Variants in CD38 observed in about 807,000 individuals in gnomAD.
The protein encoded by CD38 is ADP-ribosyl cyclase/cyclic ADP-ribose hydrolase 1.
A neutral mutation model predicts 36.3 loss-of-function variants in CD38; 31 were observed. The observed-to-expected ratio is 0.85, with a 90% CI of 0.64 to 1.15. The LOEUF (loss-of-function observed/expected upper bound fraction) is 1.15, where lower values mean the gene tolerates loss of function less well. Among genes scored for constraint, CD38 ranks in the 50% most tolerant of loss-of-function variants. The pLI, the probability that CD38 is intolerant of heterozygous loss-of-function variation, is 0.00. For missense variants in CD38, 380 were observed against 371.9 expected (o/e 1.02, Z -0.18); for synonymous variants, 131 against 135.2 (o/e 0.97, Z 0.22).
chr4:15,781,682 TA>T (rs1305525743), intron 1 of CD38, among the ~76,000 whole-genome samples: 1 of 152,182 alleles, frequency 6.6e-6, no homozygotes, highest in South Asian at 2.1e-4. Context: ...TCTCCTGACT[TA>T]AAATCTAAAA....
At position 15,839,493 on chromosome 4, in the gene CD38, C is replaced by T. The variant is rs997968320; in HGVS notation, c.660-533C>T. 3.5e-4 allele frequency among the ~76,000 whole-genome samples: 51 copies of T among 146,686 alleles called. 1 individual carries two copies. Among genetic ancestry groups the T allele is most frequent in the African/African-American group, 8.9e-4 (35 of 39,224 alleles). On this transcript the variant is annotated intron_variant, in intron 5 of 7. Coordinates refer to ENST00000226279, the MANE Select transcript of CD38 (RefSeq NM_001775.4). ...GGCTGGAGTGCAGTGACACGGTCTC[C>T]GCTCACTGCAAGCTCAGCCTCCCAG...
At chr4:15,819,013 G>C (rs1244076547) in intron 2 of CD38, among the ~76,000 whole-genome samples, 2 of 151,548 alleles carry the variant, frequency 1.3e-5, no homozygotes, top group Non-Finnish European at 2.9e-5. Context: ...CCCCTAAAAA[G>C]AGATGAGTTC....
At chr4:15,803,855 C>T (rs1028829773) in intron 1 of CD38, among the ~76,000 whole-genome samples, 4 of 152,262 alleles carry the variant, frequency 2.6e-5, no homozygotes, top group South Asian at 2.1e-4. Context: ...TTTTTATGTC[C>T]ATGCGTACCC....
intron 1 of CD38, among the ~76,000 whole-genome samples, chr4:15,781,128 A>T (rs1475336021): frequency 6.6e-6 from 1 of 152,234 alleles, no homozygotes; most frequent in East Asian, 1.9e-4. Flanking sequence ...AAAAGAAGTG[A>T]GTTGGCACTT....
At chr4:15,785,879 T>A (rs1023474672) in intron 1 of CD38, among the ~76,000 whole-genome samples, 1 of 152,160 alleles carries the variant, frequency 6.6e-6, no homozygotes, top group Non-Finnish European at 1.5e-5. Context: ...GTTTGTTCCT[T>A]CTGGTGTTGG....
chr4:15,837,093 C>G (rs1176816210), intron 4 of CD38, among the ~76,000 whole-genome samples: 2 of 152,182 alleles, frequency 1.3e-5, no homozygotes, highest in Non-Finnish European at 2.9e-5. Context: ...TTTCACTACT[C>G]TATGGTATGT....
chr4:15,811,998 G>A (rs1333277858), intron 1 of CD38, among the ~76,000 whole-genome samples: 2 of 152,182 alleles, frequency 1.3e-5, no homozygotes, highest in East Asian at 3.9e-4. Flanking sequence ...CTGTGGTGGG[G>A]CAGGAGAGGA....
In CD38 at chr4:15,796,945, A is replaced by G. The variant is rs186606683; in HGVS notation, c.233+18298A>G. 3.3e-5 allele frequency among the ~76,000 whole-genome samples: 5 copies of G among 152,326 alleles called. No individual in the cohort carries two copies. In the East Asian group the frequency reaches 9.6e-4, roughly 29 times the overall value. On this transcript the variant is annotated intron_variant, in intron 1 of 7. Transcript: ENST00000226279. ...CAATGCTGCAATGAAATCCTTCTGT[A>G]TGTATACATACGTGGATGTGTGTAT...
intron 2 of CD38, among the ~76,000 whole-genome samples, chr4:15,821,439 C>T (rs187965953): frequency 7.0e-4 from 106 of 151,654 alleles, no homozygotes; most frequent in Admixed American, 7.9e-4. Context: ...ATAGATGGAT[C>T]GCTAGCTAGA....
At chr4:15,847,595 CAAAAAAAAAAAAAAAAAAA>C (rs71179666) in intron 7 of CD38, among the ~76,000 whole-genome samples, 1 of 38,146 alleles carries the variant, frequency 2.6e-5, no homozygotes. Flanking sequence ...CTCTCAGAAG[CAAAAAAAAAAAAAAAAAAA>C]AAAAAAAAAG....
chr4:15,822,383 G>GA (rs1316878911), intron 2 of CD38, among the ~76,000 whole-genome samples: 2 of 152,014 alleles, frequency 1.3e-5, no homozygotes, highest in South Asian at 4.2e-4. Flanking sequence ...TTTTCAAATG[G>GA]AAAAAAGGAA....
intron 3 of CD38, among the ~76,000 whole-genome samples, chr4:15,828,592 G>A (rs2148925569): frequency 6.6e-6 from 1 of 152,182 alleles, no homozygotes; most frequent in African/African-American, 2.4e-5. Flanking sequence ...TTCTGTGGGT[G>A]GCTTATTTTA....
intron 3 of CD38, among the ~76,000 whole-genome samples, chr4:15,827,989 A>G (rs9291638): frequency 0.73 from 110,482 of 152,124 alleles, 41,574 homozygotes; most frequent in African/African-American, 0.92. Flanking sequence ...ATTAAATCAA[A>G]CTAATTAACA....
chr4:15,791,600 C>T (rs1722992678), intron 1 of CD38, among the ~76,000 whole-genome samples: 10 of 98,710 alleles, frequency 1.0e-4, no homozygotes, highest in African/African-American at 5.7e-4. Flanking sequence ...CCCCGCCCGG[C>T]CAGCCGCCCC....
chr4:15,780,288 C>T (rs766026453), intron 1 of CD38, among the ~76,000 whole-genome samples: 1 of 152,178 alleles, frequency 6.6e-6, no homozygotes, highest in African/African-American at 2.4e-5. Flanking sequence ...AGAGGGGATG[C>T]TTTCCCACAA....
At chr4:15,812,397 TAAC>T (rs1298749610) in intron 1 of CD38, among the ~76,000 whole-genome samples, 3 of 152,198 alleles carry the variant, frequency 2.0e-5, no homozygotes, top group African/African-American at 7.2e-5. Flanking sequence ...ACTGTCATCT[TAAC>T]AATATTAAGT....
At chr4:15,833,727 G>A (rs1330481546) in intron 3 of CD38, among the ~76,000 whole-genome samples, 1 of 152,212 alleles carries the variant, frequency 6.6e-6, no homozygotes, top group Non-Finnish European at 1.5e-5. Context: ...TGTGTCCATT[G>A]TACTTCACTC....
intron 1 of CD38, among the ~76,000 whole-genome samples, chr4:15,791,685 G>GC (rs1164772230): frequency 1.1e-5 from 1 of 89,278 alleles, no homozygotes; most frequent in Non-Finnish European, 2.1e-5. Flanking sequence ...GGGGGGATCA[G>GC]CCCCCCGCCT....
At chr4:15,779,075 C>A (rs751382847) in intron 1 of CD38, among the ~76,000 whole-genome samples, 7 of 152,154 alleles carry the variant, frequency 4.6e-5, no homozygotes, top group Non-Finnish European at 8.8e-5. Context: ...GGTTTCCGCC[C>A]GCTGTCTCTG....
Sources: gnomAD v4.1 joint callset for allele counts (sites outside exome capture counted in the v4.1 genomes callset) on GRCh38, gnomAD v4.1.1 for gene constraint, MANE v1.5 for transcripts, NCBI Gene and HGNC (gene_info 2026-07-23, HGNC 2026-07-21) for gene names.